DMD: variants seen among roughly 807,000 people sequenced by gnomAD.
The protein encoded by DMD is dystrophin, also known as mutant dystrophin.
In DMD, 63 loss-of-function variants were observed where a neutral mutation model predicts 330.1. The observed-to-expected ratio is 0.19, with a 90% CI of 0.16 to 0.24. DMD has a LOEUF of 0.24. Ranked by LOEUF, DMD falls within the 10% of genes least tolerant of loss-of-function variation. The probability of loss-of-function intolerance (pLI) is 1.00; values close to 1 mark genes in which losing one functional copy is unlikely to be tolerated. For synonymous variants in DMD, 1,223 were observed against 959.8 expected (o/e 1.27, Z -5.07); for missense variants, 3,344 against 2,684.1 (o/e 1.25, Z -5.43).
At chrX:31,882,318 T>C (rs1041086393) in intron 47 of DMD, among the ~76,000 whole-genome samples, 1 of 111,916 alleles carries the variant, frequency 8.9e-6, no homozygotes, top group South Asian at 3.7e-4. Context: ...TTTCAGTAAA[T>C]AGCACCAAGT....
intron 7 of DMD, among the ~76,000 whole-genome samples, chrX:32,745,002 G>A (rs953770525): frequency 1.8e-5 from 2 of 111,419 alleles, no homozygotes; most frequent in African/African-American, 6.5e-5. Context: ...GTTTCACGCA[G>A]CTATGATACC....
intron 2 of DMD, among the ~76,000 whole-genome samples, chrX:32,864,825 T>C (rs1213511627): frequency 8.9e-6 from 1 of 112,034 alleles, no homozygotes; most frequent in Non-Finnish European, 1.9e-5. Flanking sequence ...CAACAAAAAC[T>C]TAAGGCTATA....
At chrX:32,001,563 A>G (rs1344732765) in intron 44 of DMD, among the ~76,000 whole-genome samples, 2 of 110,509 alleles carry the variant, frequency 1.8e-5, no homozygotes, top group African/African-American at 6.6e-5. Context: ...CTGATTCTCT[A>G]ATCACTTTTG....
At chrX:33,129,458 T>G (rs1177566246) in intron 1 of DMD, among the ~76,000 whole-genome samples, 1 of 106,094 alleles carries the variant, frequency 9.4e-6, no homozygotes, top group African/African-American at 3.4e-5. Context: ...CCACTGATAT[T>G]TTTAAAAAGC....
chrX:33,259,843 A>C (rs2148903704), intron 1 of DMD, among the ~76,000 whole-genome samples: 1 of 109,790 alleles, frequency 9.1e-6, no homozygotes, highest in East Asian at 2.9e-4. Flanking sequence ...TCTTTCACTT[A>C]GTAATATGCA....
chrX:33,202,753 T>G (rs969143204), intron 1 of DMD, among the ~76,000 whole-genome samples: 3 of 111,995 alleles, frequency 2.7e-5, no homozygotes, highest in African/African-American at 9.7e-5. Context: ...CATTTATGAT[T>G]GATTTGTACC....
intron 44 of DMD, among the ~76,000 whole-genome samples, chrX:32,132,158 T>A (rs1042433355): frequency 2.7e-5 from 3 of 111,919 alleles, no homozygotes; most frequent in African/African-American, 9.7e-5. Context: ...TTAATAGATA[T>A]AATGCTTACC....
At chrX:33,323,220 T>C (rs747102724) in intron 1 of DMD, among the ~76,000 whole-genome samples, 19 of 112,208 alleles carry the variant, frequency 1.7e-4, no homozygotes, top group Non-Finnish European at 3.6e-4. Context: ...CCAATTTTTG[T>C]TACATCTAAT....
chrX:31,810,239 T>C (rs774900586), intron 50 of DMD, among the ~76,000 whole-genome samples: 6 of 109,938 alleles, frequency 5.5e-5, no homozygotes, highest in Non-Finnish European at 9.5e-5. Context: ...AACAGAAAAA[T>C]AGTATGGAAA....
rs1461799732 is a variant in DMD at position 32,245,123 on chromosome X, T to C, written c.6291-28060A>G. On this transcript the variant is annotated intron_variant, in intron 43 of 78. Transcript: ENST00000357033. ...TAATGTTTAAATCTTTAATCCATCTTGAATTGATTTTTGTATAAGGTGTAA... is the reference window on the plus strand; with the variant it reads ...TAATGTTTAAATCTTTAATCCATCTCGAATTGATTTTTGTATAAGGTGTAA... Among the ~76,000 whole-genome samples the C allele has an allele frequency of 1.1e-3, 96 of 91,067 alleles. 10 individuals are homozygous for C. The highest frequency in any genetic ancestry group is 5.5e-3 in the Middle Eastern group (1 of 183). 79.1% of individuals were successfully genotyped at this position (91,067 alleles called of 115,157 possible). A position where few individuals can be genotyped will look rare whatever the true frequency, so the allele number is the denominator to read the frequency against.
intron 44 of DMD, among the ~76,000 whole-genome samples, chrX:32,182,080 T>C (rs997905989): frequency 8.9e-6 from 1 of 112,241 alleles, no homozygotes; most frequent in Non-Finnish European, 1.9e-5. Context: ...ATGGGAGGCC[T>C]GTCAGATTTG....
At chrX:33,080,241 T>TA (rs1412015061) in intron 1 of DMD, among the ~76,000 whole-genome samples, 1 of 111,930 alleles carries the variant, frequency 8.9e-6, no homozygotes, top group African/African-American at 3.2e-5. Flanking sequence ...AAAAGCTAAA[T>TA]AACCTTTTTC....
Position 33,338,945 on chromosome X carries a change from AT to A in DMD, c.7+313del, listed in dbSNP as rs1017978165. On this transcript the variant is annotated intron_variant, in intron 1 of 17. Coordinates refer to the DMD transcript ENST00000288447. ...TAATCTGGGGTAGATTTCCCCGAAG[AT>A]TTTTTTCCCCCTGTCATCATCTACC... 1.3e-4 allele frequency among the ~76,000 whole-genome samples: 14 copies of A among 111,025 alleles called. No homozygotes were observed. In the East Asian group the frequency reaches 3.7e-3, roughly 29 times the overall value.
At chrX:32,698,310 C>A (rs1328928890) in intron 8 of DMD, among the ~76,000 whole-genome samples, 1 of 111,098 alleles carries the variant, frequency 9.0e-6, no homozygotes, top group Non-Finnish European at 1.9e-5. Context: ...AAACAGGCAT[C>A]CATAAGCAAT....
At chrX:31,817,733 G>A (rs1010290659) in intron 50 of DMD, among the ~76,000 whole-genome samples, 3 of 111,252 alleles carry the variant, frequency 2.7e-5, no homozygotes, top group Non-Finnish European at 5.7e-5. Flanking sequence ...CCTCATGTTG[G>A]GGAGAAGGAA....
At chrX:32,674,066 G>A (rs2061806317) in intron 9 of DMD, among the ~76,000 whole-genome samples, 1 of 111,944 alleles carries the variant, frequency 8.9e-6, no homozygotes, top group African/African-American at 3.2e-5. Context: ...GTCAACTTCA[G>A]ATATCATGAT....
intron 50 of DMD, among the ~76,000 whole-genome samples, chrX:31,813,142 A>G (rs1369613137): frequency 8.9e-6 from 1 of 111,951 alleles, no homozygotes; most frequent in Admixed American, 9.5e-5. Flanking sequence ...TTCTGCCAAA[A>G]TGGGAAGAAA....
At chrX:33,183,965 G>T (rs111572974) in intron 1 of DMD, among the ~76,000 whole-genome samples, 1,954 of 111,476 alleles carry the variant, frequency 0.018, 50 homozygotes, top group African/African-American at 0.061. Flanking sequence ...ATAAAGAGTG[G>T]CAGGTACAAT....
rs145272988 is a variant in DMD, at chrX:32,061,344, C to A, written c.6439-92830G>T. 5.2e-3 allele frequency among the ~76,000 whole-genome samples: 577 copies of A among 111,303 alleles called. 7 individuals carry two copies. Among genetic ancestry groups the A allele is most frequent in the African/African-American group, 0.018 (554 of 30,736 alleles). On this transcript the variant is annotated intron_variant, in intron 44 of 78. Transcript: ENST00000357033. The stretch of plus-strand genomic sequence containing the variant: ...CCTGTTAACCAATTTCACCTGCACA[C>A]TGGGCTCGTATTCCTCATCTCAGCT...
Sources: gnomAD v4.1 joint callset for allele counts (sites outside exome capture counted in the v4.1 genomes callset) on GRCh38, gnomAD v4.1.1 for gene constraint, MANE v1.5 for transcripts, NCBI Gene and HGNC (gene_info 2026-07-23, HGNC 2026-07-21) for gene names.